CMC1: variants seen among roughly 807,000 people sequenced by gnomAD.
CMC1 encodes the protein C-X9-C motif containing 1.
In CMC1, 14 loss-of-function variants were observed where a neutral mutation model predicts 14.1. The ratio of observed to expected loss-of-function variants is 0.99; its 90% confidence interval spans 0.66 to 1.55. The LOEUF (loss-of-function observed/expected upper bound fraction) is 1.55, where lower values mean the gene tolerates loss of function less well. Among genes scored for constraint, CMC1 ranks in the 40% most tolerant of loss-of-function variants. The probability of loss-of-function intolerance (pLI) is 0.00; values close to 1 mark genes in which losing one functional copy is unlikely to be tolerated. For missense variants in CMC1, 127 were observed against 123.8 expected (o/e 1.03, Z -0.12); for synonymous variants, 50 against 38.4 (o/e 1.30, Z -1.12).
chr3:28,311,868 T>C (rs149897283), intron 2 of CMC1, among the ~76,000 whole-genome samples: 2 of 152,354 alleles, frequency 1.3e-5, no homozygotes, highest in African/African-American at 4.8e-5. Context: ...TTTTTAGTCC[T>C]ATATTTGTAA....
chr3:28,310,185 C>T (rs1026821450), intron 2 of CMC1, among the ~76,000 whole-genome samples: 3 of 152,116 alleles, frequency 2.0e-5, no homozygotes, highest in South Asian at 2.1e-4. Context: ...CTGAGGTTCC[C>T]GTTCTGTGCT....
At chr3:28,316,272 G>C in intron 2 of CMC1, 61 bp from the exon 3 acceptor site, 3 of 787,398 alleles carry the variant, frequency 3.8e-6, no homozygotes, top group Non-Finnish European at 3.9e-6. Context: ...AGAAAATTGT[G>C]TGTGTGGGTA....
chr3:28,313,801 C>T (rs1702758017), intron 2 of CMC1, among the ~76,000 whole-genome samples: 1 of 152,174 alleles, frequency 6.6e-6, no homozygotes, highest in Admixed American at 6.6e-5. Flanking sequence ...TAATGCAATG[C>T]CTAAGCATCC....
At chr3:28,246,782 G>T (rs1698849559) in intron 1 of CMC1, among the ~76,000 whole-genome samples, 1 of 146,708 alleles carries the variant, frequency 6.8e-6, no homozygotes, top group Admixed American at 6.8e-5. Context: ...ATTTCTCTTT[G>T]ATTTGGGGTC....
At chr3:28,284,230 A>G (rs778469987) in intron 2 of CMC1, among the ~76,000 whole-genome samples, 6 of 152,138 alleles carry the variant, frequency 3.9e-5, no homozygotes, top group East Asian at 3.8e-4. Context: ...TAGGTCTACT[A>G]TTTACTGCTT....
chr3:28,253,617 A>T, intron 1 of CMC1: 1 of 473,306 alleles, frequency 2.1e-6, no homozygotes, highest in South Asian at 1.8e-5. Context: ...CCCCCCAAAA[A>T]ACTCCCCCCA....
chr3:28,301,221 A>G (rs964143451), intron 2 of CMC1, among the ~76,000 whole-genome samples: 2 of 152,022 alleles, frequency 1.3e-5, no homozygotes, highest in Non-Finnish European at 2.9e-5. Flanking sequence ...ATGGGAACCT[A>G]TTTATTTACT....
chr3:28,241,889 C>G (rs1427962558), intron 1 of CMC1, 77 bp downstream of exon 1: 1 of 1,217,102 alleles, frequency 8.2e-7, no homozygotes. Flanking sequence ...GGCTGGATGC[C>G]GACCTGGGAA....
At chr3:28,308,852 G>A (rs896622562) in intron 2 of CMC1, among the ~76,000 whole-genome samples, 17 of 152,024 alleles carry the variant, frequency 1.1e-4, no homozygotes, top group South Asian at 4.1e-4. Flanking sequence ...GTGTGGTGGC[G>A]CATGCCTGTA....
chr3:28,274,327 C>A (rs982876336), intron 2 of CMC1, among the ~76,000 whole-genome samples: 2 of 150,884 alleles, frequency 1.3e-5, no homozygotes, highest in Non-Finnish European at 2.9e-5. Flanking sequence ...ATTCCCCCAG[C>A]ATTTGCTTGT....
intron 2 of CMC1, among the ~76,000 whole-genome samples, chr3:28,263,612 A>G (rs1167643748): frequency 3.3e-5 from 5 of 152,064 alleles, no homozygotes; most frequent in Non-Finnish European, 7.4e-5. Flanking sequence ...TTGTTTTTTT[A>G]CCCTCAGAGG....
In CMC1 at chr3:28,241,692, C is replaced by A; in HGVS notation, c.-102C>A. 8.1e-7 allele frequency: 1 copy of A among 1,236,496 alleles called. No homozygotes were observed. Among genetic ancestry groups the A allele is most frequent in the Non-Finnish European group, 1.0e-6 (1 of 987,888 alleles). The allele number at this position is 1,236,496 out of a possible 1,614,324, so 76.6% of individuals were successfully genotyped here. On this transcript the variant is annotated 5_prime_UTR_variant, in exon 1 of 4. Transcript: ENST00000466830. ...CCCGTGTTTCTGTTGCGGGAAGCTC[C>A]CGGGGGTCGCACGTGCGTCCGAGCC...
At chr3:28,259,721 A>T (rs1245514811) in intron 1 of CMC1, among the ~76,000 whole-genome samples, 1 of 152,158 alleles carries the variant, frequency 6.6e-6, no homozygotes, top group Non-Finnish European at 1.5e-5. Flanking sequence ...TTGAGTGTCC[A>T]TCTCATAGCT....
chr3:28,314,720 G>A (rs1379612163), intron 2 of CMC1, among the ~76,000 whole-genome samples: 1 of 152,142 alleles, frequency 6.6e-6, no homozygotes, highest in Admixed American at 6.5e-5. Flanking sequence ...TGTTGTGAGT[G>A]GATACAGGTA....
Position 28,323,850 on chromosome 3 carries a change from G to A in CMC1, c.*4221G>A. 1.9e-6 allele frequency: 1 copy of A among 527,562 alleles called. No homozygotes were observed. The highest frequency in any genetic ancestry group is 3.3e-6 in the Non-Finnish European group (1 of 298,860). 32.7% of individuals were successfully genotyped at this position (527,562 alleles called of 1,614,324 possible). ...TTCAGATTCTTAGAATATGGAGCTAGAGGGTGCTCTTTCATACTAGAAAAC... is the reference window on the plus strand; with the variant it reads ...TTCAGATTCTTAGAATATGGAGCTAAAGGGTGCTCTTTCATACTAGAAAAC... On this transcript the variant is annotated 3_prime_UTR_variant, in exon 4 of 4. Transcript: ENST00000466830.
chr3:28,283,564 AAAAG>A (rs750089406), intron 2 of CMC1, among the ~76,000 whole-genome samples: 7,391 of 150,558 alleles, frequency 0.049, 193 homozygotes, highest in Non-Finnish European at 0.073. Flanking sequence ...AAAAAAAAAA[AAAAG>A]AAAAGAAGAA....
In CMC1 at chr3:28,246,064, A is replaced by C. The variant is rs536940674; in HGVS notation, c.19+4252A>C. On this transcript the variant is annotated intron_variant, in intron 1 of 3. Transcript: ENST00000466830. ...GTAATCTGCCCACCTCGGCCTCCCA[A>C]AGTGCTGGGATTATAGGCATAAGCC... 8.5e-5 allele frequency among the ~76,000 whole-genome samples: 13 copies of C among 152,064 alleles called. No homozygotes were observed. In the South Asian group the frequency reaches 2.5e-3, roughly 29 times the overall value.
chr3:28,315,493 T>C (rs1439366608), intron 2 of CMC1, among the ~76,000 whole-genome samples: 4 of 152,162 alleles, frequency 2.6e-5, no homozygotes, highest in Non-Finnish European at 1.5e-5. Context: ...AGCAAAGGGA[T>C]GCCTTGCTGC....
At chr3:28,255,288 T>G (rs1699334881) in intron 1 of CMC1, among the ~76,000 whole-genome samples, 2 of 150,224 alleles carry the variant, frequency 1.3e-5, no homozygotes, top group Non-Finnish European at 3.0e-5. Context: ...TCTCCTAGGC[T>G]GGAGTGCAGT....
Sources: allele counts gnomAD v4.1 joint callset (sites outside exome capture counted in the v4.1 genomes callset), GRCh38; gene constraint gnomAD v4.1.1; transcripts MANE v1.5; gene names NCBI Gene and HGNC (gene_info 2026-07-23, HGNC 2026-07-21).